KIFC3: variants seen among roughly 807,000 people sequenced by gnomAD.
KIFC3 encodes kinesin family member C3.
In KIFC3, 60 loss-of-function variants were observed where a neutral mutation model predicts 101.8. The ratio of observed to expected loss-of-function variants is 0.59; its 90% CI spans 0.48 to 0.73. The LOEUF (loss-of-function observed/expected upper bound fraction) is 0.73. Among genes scored for constraint, KIFC3 ranks in the 30% least tolerant of loss-of-function variants. KIFC3 has a pLI of 0.00. For synonymous variants in KIFC3, 476 were observed against 482.7 expected (o/e 0.99, Z 0.18); for missense variants, 966 against 1,137.1 (o/e 0.85, Z 2.16).
Position 57,758,715 on chromosome 16 carries a change from A to G in KIFC3, c.*219T>C, listed in dbSNP as rs782082740. On this transcript the variant is annotated 3_prime_UTR_variant, in exon 20 of 20. Transcript: ENST00000445690. The stretch of plus-strand genomic sequence containing the variant: ...CTTTCCGCCCATGCAATTTGCACTC[A>G]GAGCCACAGCCGAGAGACACCGTTT... 6.4e-5 allele frequency: 51 copies of G among 801,682 alleles called. No homozygotes were observed. Among genetic ancestry groups the G allele is most frequent in the Middle Eastern group, 4.4e-4 (2 of 4,588 alleles). The allele number at this position is 801,682 out of a possible 1,614,324, so 49.7% of individuals were successfully genotyped here.
intron 1 of KIFC3, among the ~76,000 whole-genome samples, chr16:57,848,757 G>A (rs1216818418): frequency 6.6e-6 from 1 of 152,172 alleles, no homozygotes; most frequent in East Asian, 1.9e-4. Flanking sequence ...AAAAGATTTA[G>A]CATGTCTTAG....
chr16:57,849,511 T>C (rs2056003486), intron 1 of KIFC3, among the ~76,000 whole-genome samples: 1 of 152,176 alleles, frequency 6.6e-6, no homozygotes, highest in South Asian at 2.1e-4. Context: ...AAAGTCAATA[T>C]AGTCTTTTAA....
chr16:57,784,161 C>T (rs757797871), intron 3 of KIFC3, among the ~76,000 whole-genome samples: 9 of 152,274 alleles, frequency 5.9e-5, no homozygotes, highest in Non-Finnish European at 1.0e-4. Context: ...CTGCTGTCCA[C>T]TGGGGTATCC....
intron 1 of KIFC3, among the ~76,000 whole-genome samples, chr16:57,849,597 A>T (rs2056005567): frequency 6.6e-6 from 1 of 152,114 alleles, no homozygotes; most frequent in African/African-American, 2.4e-5. Context: ...ATAGGGGTAG[A>T]GGTGTTTAGA....
At chr16:57,858,733 G>A (rs247056) in intron 1 of KIFC3, among the ~76,000 whole-genome samples, 65,750 of 151,908 alleles carry the variant, frequency 0.43, 16,158 homozygotes, top group East Asian at 0.6. Flanking sequence ...GATCACTTGA[G>A]GTCAGGAGGT....
chr16:57,816,589 A>C (rs1410930460), intron 1 of KIFC3: 1 of 456,734 alleles, frequency 2.2e-6, no homozygotes, highest in Non-Finnish European at 4.4e-6. Context: ...TGTTGTTGCC[A>C]GACAGGTTCC....
rs782420270 is a variant in KIFC3 at position 57,798,235 on chromosome 16, G to A, written c.9C>T (p.Pro3=). ...CTCCCAGGTTCCACGTCCTGCGAGA[G>A]GGGACCATGGCCTGGGGCTCAGCAG... The part of the protein sequence containing the change: MV[P]SRRTWNLGAT... Residue 3 remains proline (P), a synonymous_variant, in exon 2 of 20, where the codon CCC becomes CCT. Transcript: ENST00000445690. The A allele has an allele frequency of 1.4e-5, 22 of 1,551,878 alleles. No individual in the cohort carries two copies. Among genetic ancestry groups the A allele is most frequent in the Non-Finnish European group, 1.8e-5 (21 of 1,148,602 alleles).
At chr16:57,792,208 C>T (rs1407323742) in intron 3 of KIFC3, among the ~76,000 whole-genome samples, 5 of 152,110 alleles carry the variant, frequency 3.3e-5, no homozygotes, top group Non-Finnish European at 5.9e-5. Flanking sequence ...TCTCGTGCAC[C>T]GGCTTTCTTG....
chr16:57,763,761 T>TCCCAGATCC (rs2050136149), intron 12 of KIFC3, among the ~76,000 whole-genome samples: 1 of 152,050 alleles, frequency 6.6e-6, no homozygotes, highest in Non-Finnish European at 1.5e-5. Context: ...CCGCCACTCA[T>TCCCAGATCC]CCCAGATCCC....
At chr16:57,784,050 G>C (rs2053050977) in intron 3 of KIFC3, among the ~76,000 whole-genome samples, 1 of 152,206 alleles carries the variant, frequency 6.6e-6, no homozygotes, top group Non-Finnish European at 1.5e-5. Flanking sequence ...AAGCCCTCGA[G>C]GCCATGTGTG....
chr16:57,824,724 T>G (rs566508897), intron 1 of KIFC3, among the ~76,000 whole-genome samples: 1 of 152,082 alleles, frequency 6.6e-6, no homozygotes, highest in Non-Finnish European at 1.5e-5. Flanking sequence ...AAAGATTCCA[T>G]GTAGCCCTTT....
chr16:57,860,203 C>T (rs1213508467), intron 1 of KIFC3, among the ~76,000 whole-genome samples: 2 of 152,038 alleles, frequency 1.3e-5, no homozygotes, highest in Admixed American at 6.5e-5. Flanking sequence ...CCTGTAATCC[C>T]AGCACTTCGG....
At position 57,761,523 on chromosome 16, in the gene KIFC3, T is replaced by TCC; in HGVS notation, c.1760_1761dup (p.Lys588GlyfsTer25). 1 of 1,613,464 alleles carries TCC rather than the reference T, an allele frequency of 6.2e-7. No homozygotes were observed. Among genetic ancestry groups the TCC allele is most frequent in the South Asian group, 1.1e-5 (1 of 91,088 alleles). On this transcript the variant is annotated frameshift_variant, in exon 14 of 20. Coordinates refer to ENST00000445690, the MANE Select transcript of KIFC3 (RefSeq NM_001130100.2). LOFTEE classifies it high-confidence loss of function. ...ATCTCCAGTTTTTCCTGAGGCTCTT[T>TCC]CCCTAGCAGGTCCCTGGAGGGGCAG...
At chr16:57,846,034 T>C (rs910993803) in intron 1 of KIFC3, among the ~76,000 whole-genome samples, 24 of 152,192 alleles carry the variant, frequency 1.6e-4, no homozygotes, top group Non-Finnish European at 3.4e-4. Flanking sequence ...TTGACTTCCC[T>C]GCCCCTCAGG....
chr16:57,836,155 C>G (rs1386200999), intron 1 of KIFC3, among the ~76,000 whole-genome samples: 18 of 152,178 alleles, frequency 1.2e-4, no homozygotes, highest in African/African-American at 4.3e-4. Context: ...CTCTGTCGCC[C>G]AGGCCAGAAT....
At position 57,769,206 on chromosome 16, in the gene KIFC3, T is replaced by C. The variant is rs1191874470; in HGVS notation, c.1218+389A>G. Among the ~76,000 whole-genome samples, 1 of 152,114 alleles carries C rather than the reference T, an allele frequency of 6.6e-6. No individual in the cohort carries two copies. Among genetic ancestry groups the C allele is most frequent in the Non-Finnish European group, 1.5e-5 (1 of 68,010 alleles). ...CCTGCCACCCATGCCCAGCTAATTTTTGTAATTTTAGTAGAGACGAAGTTT... is the reference window on the plus strand; with the variant it reads ...CCTGCCACCCATGCCCAGCTAATTTCTGTAATTTTAGTAGAGACGAAGTTT... On this transcript the variant is annotated intron_variant, in intron 9 of 19. Coordinates refer to ENST00000445690, the MANE Select transcript of KIFC3 (RefSeq NM_001130100.2). This position sits in a 1 kb window ranked among gnomAD's most constrained non-coding sequence, Gnocchi z 4.3.
intron 1 of KIFC3, among the ~76,000 whole-genome samples, chr16:57,830,816 C>G (rs1197157052): frequency 6.6e-6 from 1 of 152,040 alleles, no homozygotes; most frequent in Non-Finnish European, 1.5e-5. Flanking sequence ...GCCAACATTC[C>G]CGGGGCCTTG....
intron 1 of KIFC3, among the ~76,000 whole-genome samples, chr16:57,860,022 AAAAATAAAATAAAAT>A (rs547546702): frequency 0.084 from 7,299 of 86,650 alleles, 581 homozygotes; most frequent in East Asian, 0.28. Context: ...ACTCTGTCTC[AAAAATAAAATAAAAT>A]AAAATAAAAT....
At chr16:57,860,071 A>ATAAAATAAAT (rs1390150442) in intron 1 of KIFC3, among the ~76,000 whole-genome samples, 1 of 146,980 alleles carries the variant, frequency 6.8e-6, no homozygotes, top group East Asian at 2.2e-4. Context: ...ATAAAATAAA[A>ATAAAATAAAT]TAAAATAAAA....
Sources: gnomAD v4.1 joint callset for allele counts (sites outside exome capture counted in the v4.1 genomes callset) on GRCh38, gnomAD v4.1.1 for gene constraint, Gnocchi (gnomAD v3.1) non-coding constraint, MANE v1.5 for transcripts, NCBI Gene and HGNC (gene_info 2026-07-23, HGNC 2026-07-21) for gene names.